IQGAP3: variants seen among roughly 807,000 people sequenced by gnomAD.
IQGAP3 encodes the protein ras GTPase-activating-like protein IQGAP3.
In IQGAP3, 165 loss-of-function variants were observed where a neutral mutation model predicts 208.2. The ratio of observed to expected loss-of-function variants is 0.79; its 90% CI spans 0.70 to 0.90. The LOEUF is 0.90. Ranked by LOEUF, IQGAP3 falls within the 40% of genes least tolerant of loss-of-function variation. IQGAP3 has a pLI of 0.00. For missense variants in IQGAP3, 1,811 were observed against 2,043.1 expected (o/e 0.89, Z 2.19); for synonymous variants, 703 against 803.6 (o/e 0.87, Z 2.12).
chr1:156,549,629 C>T (rs532672733), intron 16 of IQGAP3, among the ~76,000 whole-genome samples: 1 of 152,034 alleles, frequency 6.6e-6, no homozygotes, highest in South Asian at 2.1e-4. Flanking sequence ...CAGAGTAAGA[C>T]CCTGTCTTAA....
At chr1:156,554,496 C>T (rs1244511930) in intron 12 of IQGAP3, 104 bp from the exon 13 acceptor site, 1 of 1,122,028 alleles carries the variant, frequency 8.9e-7, no homozygotes, top group Admixed American at 3.3e-5. Flanking sequence ...GAGTCTCTAT[C>T]CCAAAACCCC....
intron 5 of IQGAP3, 45 bp from the exon 6 acceptor site, chr1:156,563,869 T>C (rs755589003): frequency 6.5e-7 from 1 of 1,526,874 alleles, no homozygotes; most frequent in Non-Finnish European, 9.1e-7. Context: ...GGCCTATTCA[T>C]TTTGACACTC....
chr1:156,559,222 T>C (rs919377643), intron 11 of IQGAP3, among the ~76,000 whole-genome samples: 4 of 152,050 alleles, frequency 2.6e-5, no homozygotes, highest in Non-Finnish European at 4.4e-5. Context: ...GAGCACAAGA[T>C]TGACAGGTGG....
intron 31 of IQGAP3, 101 bp from the exon 32 acceptor site, chr1:156,533,207 A>ACAT (rs1557918952): frequency 6.9e-7 from 1 of 1,448,222 alleles, no homozygotes. Flanking sequence ...ACATTAAATC[A>ACAT]GCTGCTCCAC....
intron 37 of IQGAP3, among the ~76,000 whole-genome samples, chr1:156,527,595 T>C (rs528138373): frequency 6.6e-6 from 1 of 152,318 alleles, no homozygotes; most frequent in East Asian, 1.9e-4. Flanking sequence ...CTTAACCTTT[T>C]AGCCTAGAGC....
At chr1:156,528,873 G>A in intron 35 of IQGAP3, 43 bp downstream of exon 35, 1 of 1,609,588 alleles carries the variant, frequency 6.2e-7, no homozygotes, top group Non-Finnish European at 8.5e-7. Context: ...GCAGGGGTGA[G>A]AAGTCACTCG....
intron 20 of IQGAP3, 42 bp downstream of exon 20, chr1:156,544,347 G>A (rs1172937440): frequency 6.4e-7 from 1 of 1,564,244 alleles, no homozygotes; most frequent in Non-Finnish European, 8.8e-7. Flanking sequence ...TTCTCAGACG[G>A]TCCTTTGAGA....
chr1:156,561,024 A>C lies in IQGAP3; in HGVS notation c.1042-3T>G, dbSNP rs777384005. On this transcript the variant is annotated splice_region_variant and splice_polypyrimidine_tract_variant and intron_variant, in intron 10 of 37. Coordinates refer to ENST00000361170, the MANE Select transcript of IQGAP3 (RefSeq NM_178229.5). Reference sequence around the variant, plus strand: ...AGAAGCTCCACCAGGCCCAGCTCCTAAGAGAGGGAAGAGATACAGTAGAAT... The same window carrying C: ...AGAAGCTCCACCAGGCCCAGCTCCTCAGAGAGGGAAGAGATACAGTAGAAT... 6.2e-7 allele frequency: 1 copy of C among 1,606,356 alleles called. No homozygotes were observed. Among genetic ancestry groups the C allele is most frequent in the South Asian group, 1.1e-5 (1 of 90,934 alleles).
At position 156,544,425 on chromosome 1, in the gene IQGAP3, C is replaced by A. The variant is rs767283203; in HGVS notation, c.2352G>T (p.Leu784Phe). The change falls in exon 20 of 38, where the codon TTG becomes TTT. Residue 784 changes from leucine (L) to phenylalanine (F), a missense_variant. By Grantham distance (22) the Leu-to-Phe change is conservative (BLOSUM62 0). Transcript: ENST00000361170. Reference protein sequence around the residue: ...YRQRKIYLEWLQYFKANLDAI... With the variant: ...YRQRKIYLEWFQYFKANLDAI... The stretch of plus-strand genomic sequence containing the variant: ...CATCCAGGTTTGCTTTAAAATACTG[C>A]AACCACTCCAGGTAAATCTTCCGCT... 16 of 1,614,038 alleles carry A rather than the reference C, an allele frequency of 9.9e-6. No individual in the cohort carries two copies. The South Asian group carries it at 1.6e-4, about 17-fold the overall frequency.
rs145944309 is a variant in IQGAP3, at chr1:156,566,464, T to C, written c.208A>G (p.Lys70Glu). ...GAGGGTGCAAAACAGTGGCCTAGCT[T>C]GGCCAGCAGCACTCCATTCCGAAGG... ...ESLRNGVLLA[K>E]LGHCFAPSVV... Residue 70 changes from lysine (K) to glutamate (E), a missense_variant, in exon 3 of 38, where the codon AAG (lysine) becomes GAG (glutamate). Physicochemically the swap from Lys to Glu is moderately conservative, Grantham distance 56. Coordinates refer to ENST00000361170, the MANE Select transcript of IQGAP3 (RefSeq NM_178229.5). 6 of 1,613,972 alleles carry C rather than the reference T, an allele frequency of 3.7e-6. No homozygotes were observed. The highest frequency in any genetic ancestry group is 1.7e-5 in the Admixed American group (1 of 60,004).
intron 33 of IQGAP3, among the ~76,000 whole-genome samples, chr1:156,530,866 G>A (rs933269235): frequency 7.2e-5 from 11 of 152,130 alleles, no homozygotes; most frequent in Non-Finnish European, 1.3e-4. Flanking sequence ...GGCCTTCCAG[G>A]GGAGCATTCC....
intron 13 of IQGAP3, among the ~76,000 whole-genome samples, chr1:156,553,435 T>C (rs1014577126): frequency 1.3e-5 from 2 of 152,236 alleles, no homozygotes; most frequent in African/African-American, 4.8e-5. Flanking sequence ...TTATGCCCTT[T>C]AGGTCTCTTT....
In IQGAP3 at chr1:156,556,687, T is replaced by TG. The variant is rs772609302; in HGVS notation, c.1135dup (p.His379ProfsTer17). On this transcript the variant is annotated frameshift_variant, in exon 12 of 38. Coordinates refer to ENST00000361170, the MANE Select transcript of IQGAP3 (RefSeq NM_178229.5). LOFTEE classifies it high-confidence loss of function. ...GGCTTTGTTGATCCGCTGCACAGCG[T>TG]GGAGCACTGCAAGGCAGGAGAGCAA... 4 of 1,573,942 alleles carry TG rather than the reference T, an allele frequency of 2.5e-6. No homozygotes were observed. Among genetic ancestry groups the TG allele is most frequent in the Non-Finnish European group, 3.5e-6 (4 of 1,156,002 alleles).
chr1:156,539,888 C>A lies in IQGAP3; in HGVS notation c.2842G>T (p.Glu948Ter). ...TATGCTTCTAGTTTCTGCCGTTTCT[C>A]TTTGCTCAGCGACTTTAAACCCTTC... ...KQKGLKSLSK[E>*]KRQKLEAYQH... The change falls in exon 24 of 38, where the codon GAG becomes TAG. Residue 948 changes from glutamate (E) to a stop codon, truncating the protein, a stop_gained. Coordinates refer to ENST00000361170, the MANE Select transcript of IQGAP3 (RefSeq NM_178229.5). LOFTEE classifies it high-confidence loss of function. 6.2e-7 allele frequency: 1 copy of A among 1,614,180 alleles called. No homozygotes were observed. Among genetic ancestry groups the A allele is most frequent in the Non-Finnish European group, 8.5e-7 (1 of 1,180,038 alleles).
At chr1:156,539,292 C>G in intron 25 of IQGAP3, 82 bp downstream of exon 25, 1 of 1,359,212 alleles carries the variant, frequency 7.4e-7, no homozygotes, top group Non-Finnish European at 1.0e-6. Flanking sequence ...TAGGCCTCAA[C>G]AAGTTGTCAC....
At position 156,569,395 on chromosome 1, in the gene IQGAP3, G is replaced by T; in HGVS notation, c.106C>A (p.Arg36=). The T allele has an allele frequency of 6.2e-7, 1 of 1,613,232 alleles. No individual in the cohort carries two copies. Among genetic ancestry groups the T allele is most frequent in the Non-Finnish European group, 8.5e-7 (1 of 1,179,480 alleles). Residue 36 remains arginine, a synonymous_variant, in exon 2 of 38, where the codon CGG becomes AGG. Transcript: ENST00000361170. ...GCTCACCGCTTGGCCTCCTCCAGCC[G>T]GCACAGGTACTGATAGGCAACATTC... ...RQNVAYQYLC[R]LEEAKRWMEA...
At chr1:156,529,312 TA>T (rs1277707695) in intron 34 of IQGAP3, among the ~76,000 whole-genome samples, 1 of 152,212 alleles carries the variant, frequency 6.6e-6, no homozygotes, top group African/African-American at 2.4e-5. Context: ...TGTTTTTTAG[TA>T]AAAGAAAGTT....
chr1:156,536,805 TAAGAA>T (rs1232676631), intron 27 of IQGAP3: 1 of 162,638 alleles, frequency 6.1e-6, no homozygotes, highest in Non-Finnish European at 1.3e-5. Flanking sequence ...GACTAAATTT[TAAGAA>T]AAGAGAGAAC....
chr1:156,531,794 G>A (rs1452641021), intron 32 of IQGAP3, among the ~76,000 whole-genome samples: 1 of 151,512 alleles, frequency 6.6e-6, no homozygotes. Context: ...CAGTAGAGAT[G>A]GGGTTTCACC....
Sources: gnomAD v4.1 joint callset for allele counts (sites outside exome capture counted in the v4.1 genomes callset) on GRCh38, gnomAD v4.1.1 for gene constraint, MANE v1.5 for transcripts, NCBI Gene and HGNC (gene_info 2026-07-23, HGNC 2026-07-21) for gene names.